GPM6B: variants seen among roughly 807,000 people sequenced by gnomAD.
The protein encoded by GPM6B is glycoprotein M6B.
A neutral mutation model predicts 27.2 loss-of-function variants in GPM6B; 4 were observed. That is an observed-to-expected ratio of 0.15 (90% CI 0.07 to 0.34). The LOEUF is 0.34. Among genes scored for constraint, GPM6B ranks in the 10% least tolerant of loss-of-function variants. The pLI is 1.00. For missense variants in GPM6B, 183 were observed against 261.9 expected, an observed-to-expected ratio of 0.70 and a Z score of 2.08; for synonymous variants, 124 against 103.1, an observed-to-expected ratio of 1.20 and a Z score of -1.23.
At chrX:13,841,013 G>A (rs2049567016) in intron 1 of GPM6B, among the ~76,000 whole-genome samples, 1 of 112,107 alleles carries the variant, frequency 8.9e-6, no homozygotes, top group Admixed American at 9.4e-5. Flanking sequence ...GTATGTGCAT[G>A]TCTCATATAT....
chrX:13,847,705 C>A (rs932276579), intron 1 of GPM6B, among the ~76,000 whole-genome samples: 2 of 111,887 alleles, frequency 1.8e-5, no homozygotes, highest in African/African-American at 6.5e-5. Flanking sequence ...TTAACACTAG[C>A]CTAATAGCCT....
chrX:13,896,224 AAAAGT>A (rs748769247), intron 1 of GPM6B, among the ~76,000 whole-genome samples: 1 of 105,450 alleles, frequency 9.5e-6, no homozygotes, highest in Admixed American at 1.0e-4. Flanking sequence ...TTATGAACAA[AAAAGT>A]AAATAATATA....
intron 1 of GPM6B, among the ~76,000 whole-genome samples, chrX:13,925,298 T>C (rs1004060643): frequency 8.9e-6 from 1 of 111,931 alleles, no homozygotes; most frequent in Non-Finnish European, 1.9e-5. Flanking sequence ...AAGGGAACCA[T>C]GGCATTGCAT....
At chrX:13,851,172 A>G (rs1479907465) in intron 1 of GPM6B, among the ~76,000 whole-genome samples, 2 of 109,447 alleles carry the variant, frequency 1.8e-5, no homozygotes, top group Non-Finnish European at 3.8e-5. Context: ...CCAAAAAAAA[A>G]AAAAAAAAAA....
chrX:13,938,250 C>T (rs1921940151), intron 1 of GPM6B: 2 of 259,604 alleles, frequency 7.7e-6, no homozygotes, highest in Admixed American at 1.3e-4. Flanking sequence ...TCCCGCGAGC[C>T]GCACGTGCGG....
chrX:13,821,796 C>T (rs181451504), upstream of GPM6B, among the ~76,000 whole-genome samples: 18 of 110,745 alleles, frequency 1.6e-4, no homozygotes, highest in African/African-American at 5.9e-4. Flanking sequence ...CGTTTCTCCA[C>T]GTTGGTCAGG....
chrX:13,812,048 CTT>C (rs1187553585), intron 1 of GPM6B, among the ~76,000 whole-genome samples: 5 of 88,913 alleles, frequency 5.6e-5, no homozygotes, highest in Non-Finnish European at 6.5e-5. Flanking sequence ...TCTTTTCTTT[CTT>C]TTTTTTTTTT....
chrX:13,860,002 G>T lies in GPM6B; in HGVS notation c.-197-74194C>A, dbSNP rs72614524. Among the ~76,000 whole-genome samples, 27 of 111,559 alleles carry T rather than the reference G, an allele frequency of 2.4e-4. No homozygotes were observed. The East Asian group carries it at 6.7e-3, about 28-fold the overall frequency. On this transcript the variant is annotated intron_variant, in intron 1 of 6. Transcript: ENST00000398361. Reference sequence around the variant, plus strand: ...TCCCCATCCTCCATTCCAGTACCAGGTTAAAAAAGAAATCCATGTTTTATC... The same window carrying T: ...TCCCCATCCTCCATTCCAGTACCAGTTTAAAAAAGAAATCCATGTTTTATC...
intron 1 of GPM6B, among the ~76,000 whole-genome samples, chrX:13,928,962 C>G (rs1047836892): frequency 1.8e-5 from 2 of 111,790 alleles, no homozygotes; most frequent in Non-Finnish European, 3.8e-5. Context: ...AAACGGATCT[C>G]TAAACAAGGG....
chrX:13,919,841 T>C (rs1352842079), intron 1 of GPM6B, among the ~76,000 whole-genome samples: 10 of 111,650 alleles, frequency 9.0e-5, no homozygotes, highest in Non-Finnish European at 1.1e-4. Flanking sequence ...AGTCTTTGCT[T>C]CTCCAAAGGA....
upstream of GPM6B, among the ~76,000 whole-genome samples, chrX:13,819,660 A>T (rs1363703739): frequency 9.0e-6 from 1 of 111,624 alleles, no homozygotes; most frequent in African/African-American, 3.3e-5. Context: ...GCATGAAGTA[A>T]CCTCCCTAGT....
chrX:13,837,711 G>GGGGC (rs1555918719), intron 1 of GPM6B, among the ~76,000 whole-genome samples: 5 of 30,834 alleles, frequency 1.6e-4, no homozygotes, highest in African/African-American at 2.3e-4. Flanking sequence ...GCAAGTTGGT[G>GGGGC]GGGGGGGGGG....
chrX:13,823,053 G>C (rs2049329250), intron 1 of GPM6B, among the ~76,000 whole-genome samples: 1 of 111,600 alleles, frequency 9.0e-6, no homozygotes, highest in African/African-American at 3.3e-5. Context: ...TCCAATGTGG[G>C]TTTTTAAAAA....
At chrX:13,835,618 TGAG>T (rs1406798654) in intron 1 of GPM6B, among the ~76,000 whole-genome samples, 1 of 112,068 alleles carries the variant, frequency 8.9e-6, no homozygotes, top group Admixed American at 9.5e-5. Flanking sequence ...GAAGATTAAA[TGAG>T]GATGTAGTAA....
intron 1 of GPM6B, among the ~76,000 whole-genome samples, chrX:13,840,887 C>A (rs901198590): frequency 9.0e-6 from 1 of 111,628 alleles, no homozygotes; most frequent in African/African-American, 3.3e-5. Context: ...AAGGGAAGCA[C>A]AAAGGAGGTG....
chrX:13,786,118 C>A, intron 2 of GPM6B, among the ~76,000 whole-genome samples: 1 of 112,611 alleles, frequency 8.9e-6, no homozygotes, highest in South Asian at 3.6e-4. Context: ...GCTTCCTGAT[C>A]GACTGAGTGG....
At chrX:13,894,450 ATC>A (rs2050214608) in intron 1 of GPM6B, among the ~76,000 whole-genome samples, 1 of 112,314 alleles carries the variant, frequency 8.9e-6, no homozygotes, top group African/African-American at 3.2e-5. Context: ...ACCACATTTG[ATC>A]TCTCTTATGT....
chrX:13,820,369 GT>G (rs2066137511), upstream of GPM6B, among the ~76,000 whole-genome samples: 1 of 110,823 alleles, frequency 9.0e-6, no homozygotes, highest in Non-Finnish European at 1.9e-5. Flanking sequence ...TGAGGAGATG[GT>G]CATGCTGGGA....
Position 13,771,261 on chromosome X carries a change from G to A in GPM6B, c.*1620C>T, listed in dbSNP as rs2048292514. 1 of 111,311 alleles carries A rather than the reference G, an allele frequency of 9.0e-6. No individual in the cohort carries two copies. The highest frequency in any genetic ancestry group is 3.3e-5 in the African/African-American group (1 of 30,545). The allele number at this position is 111,311 out of a possible 1,213,427, so 9.2% of individuals were successfully genotyped here. Reference sequence around the variant, plus strand: ...TAGGCTTTAGACACTGCCTCTTCTAGAACACTGGACTCTGACAGCACCTCC... The same window carrying A: ...TAGGCTTTAGACACTGCCTCTTCTAAAACACTGGACTCTGACAGCACCTCC... On this transcript the variant is annotated 3_prime_UTR_variant, in exon 8 of 8. Coordinates refer to ENST00000316715, the MANE Select transcript of GPM6B (RefSeq NM_001001995.3).
Sources: gnomAD v4.1 joint callset for allele counts (sites outside exome capture counted in the v4.1 genomes callset) on GRCh38, gnomAD v4.1.1 for gene constraint, MANE v1.5 for transcripts, NCBI Gene and HGNC (gene_info 2026-07-23, HGNC 2026-07-21) for gene names.